The following MAPKAPK2 variants were observed in gnomAD, a reference collection of about 807,000 sequenced individuals.
MAPKAPK2 encodes MAP kinase-activated protein kinase 2.
A neutral mutation model predicts 48.8 loss-of-function variants in MAPKAPK2; 9 were observed. The observed-to-expected ratio is 0.18, with a 90% CI of 0.11 to 0.32. The LOEUF (loss-of-function observed/expected upper bound fraction) is 0.32. MAPKAPK2 is among the 10% of genes least tolerant of loss of function. The pLI is 1.00. For missense variants in MAPKAPK2, 331 were observed against 498.3 expected (o/e 0.66, Z 3.20); for synonymous variants, 202 against 190.6 (o/e 1.06, Z -0.49).
At chr1:206,693,469 A>G (rs1283349681) in intron 1 of MAPKAPK2, among the ~76,000 whole-genome samples, 3 of 152,142 alleles carry the variant, frequency 2.0e-5, no homozygotes, top group Non-Finnish European at 4.4e-5. Flanking sequence ...ATTTGTGTGT[A>G]TGAAAGCTCC....
chr1:206,714,337 C>T (rs1472747813), intron 1 of MAPKAPK2, among the ~76,000 whole-genome samples: 3 of 152,138 alleles, frequency 2.0e-5, no homozygotes, highest in African/African-American at 7.2e-5. Flanking sequence ...AAAAAGGAAA[C>T]GAGACTAGCT....
intron 1 of MAPKAPK2, chr1:206,695,765 T>C (rs994699571): frequency 2.8e-4 from 61 of 214,230 alleles, no homozygotes; most frequent in Non-Finnish European, 4.8e-4. Flanking sequence ...CATCTCTCTC[T>C]CTCTCTCTTT....
chr1:206,705,413 G>T lies in MAPKAPK2; in HGVS notation c.279+19905G>T, dbSNP rs528421045. Among the ~76,000 whole-genome samples, 4 of 152,350 alleles carry T rather than the reference G, an allele frequency of 2.6e-5. No homozygotes were observed. The South Asian group carries it at 8.3e-4, about 32-fold the overall frequency. ...AGCAATGTGCAGCATGGGGTTGCAT[G>T]AGTAGACACTCCTGCTGGAGGGCCA... is the stretch of plus-strand genomic sequence containing the variant. On this transcript the variant is annotated intron_variant, in intron 1 of 9. Coordinates refer to ENST00000367103, the MANE Select transcript of MAPKAPK2 (RefSeq NM_032960.4).
chr1:206,700,588 A>G (rs1286741432), intron 1 of MAPKAPK2, among the ~76,000 whole-genome samples: 1 of 152,220 alleles, frequency 6.6e-6, no homozygotes, highest in Non-Finnish European at 1.5e-5. Context: ...AATCTGGAGT[A>G]CTTGGTCAGG....
intron 1 of MAPKAPK2, among the ~76,000 whole-genome samples, chr1:206,689,778 C>G (rs1447621940): frequency 6.6e-6 from 1 of 152,192 alleles, no homozygotes; most frequent in Non-Finnish European, 1.5e-5. Context: ...TTTGAAAAAT[C>G]AGTTGCTAGC....
chr1:206,717,103 A>T (rs552323501), intron 1 of MAPKAPK2, among the ~76,000 whole-genome samples: 3 of 152,322 alleles, frequency 2.0e-5, no homozygotes, highest in East Asian at 3.9e-4. Flanking sequence ...GTAAACTAAT[A>T]TTACCAGCTC....
intron 1 of MAPKAPK2, among the ~76,000 whole-genome samples, chr1:206,703,635 A>G (rs554383899): frequency 6.6e-6 from 1 of 152,332 alleles, no homozygotes; most frequent in Admixed American, 6.5e-5. Flanking sequence ...GTGATGCAGC[A>G]CACACTTGTA....
chr1:206,691,709 C>G, intron 1 of MAPKAPK2, among the ~76,000 whole-genome samples: 1 of 151,882 alleles, frequency 6.6e-6, no homozygotes, highest in South Asian at 2.1e-4. Context: ...TCCTGAGCAC[C>G]GGCAGGGTGA....
Position 206,722,386 on chromosome 1 carries a change from A to AC in MAPKAPK2, c.280-6323dup, listed in dbSNP as rs1558585257. ...AAAACAAAAACAAAAACAAAAAAAA[A>AC]CAAAGAAACAAAAGAAAACTTTTGA... On this transcript the variant is annotated intron_variant, in intron 1 of 9. Transcript: ENST00000367103. Among the ~76,000 whole-genome samples, 3 of 152,156 alleles carry AC rather than the reference A, an allele frequency of 2.0e-5. No individual in the cohort carries two copies. The East Asian group carries it at 5.8e-4, about 29-fold the overall frequency.
chr1:206,694,283 T>C (rs1387948416), intron 1 of MAPKAPK2, among the ~76,000 whole-genome samples: 1 of 152,116 alleles, frequency 6.6e-6, no homozygotes, highest in South Asian at 2.1e-4. Context: ...AACCAAGACA[T>C]AGGACTTGAG....
chr1:206,701,667 CTACAAAAAA>C (rs1672797931), intron 1 of MAPKAPK2, among the ~76,000 whole-genome samples: 1 of 151,730 alleles, frequency 6.6e-6, no homozygotes, highest in South Asian at 2.1e-4. Context: ...AACACTGTCT[CTACAAAAAA>C]TACAAAAATT....
Position 206,731,058 on chromosome 1 carries a change from T to C in MAPKAPK2, c.768-80T>C. 6.4e-7 allele frequency: 1 copy of C among 1,561,840 alleles called. No homozygotes were observed. The highest frequency in any genetic ancestry group is 8.8e-7 in the Non-Finnish European group (1 of 1,132,992). On this transcript the variant is annotated intron_variant, in intron 6 of 9. Coordinates refer to ENST00000367103, the MANE Select transcript of MAPKAPK2 (RefSeq NM_032960.4). This position sits in a 1 kb window ranked among gnomAD's most constrained non-coding sequence, Gnocchi z 5.9. ...TGTGACCTTTACAAGGAGAAGAGCC[T>C]GTTTCTCATCCTGTTCCTGGTACAG...
At chr1:206,688,346 C>T (rs909958058) in intron 1 of MAPKAPK2, among the ~76,000 whole-genome samples, 2 of 152,214 alleles carry the variant, frequency 1.3e-5, no homozygotes, top group Admixed American at 6.5e-5. Flanking sequence ...GGCTTCTTCC[C>T]ACTTACTTCC....
At chr1:206,712,541 A>G (rs1572498775) in intron 1 of MAPKAPK2, among the ~76,000 whole-genome samples, 1 of 151,986 alleles carries the variant, frequency 6.6e-6, no homozygotes, top group East Asian at 1.9e-4. Flanking sequence ...TCCTACTGTA[A>G]TCTTTTAAAA....
Position 206,732,818 on chromosome 1 carries a change from C to T in MAPKAPK2, c.*100C>T. 1.5e-6 allele frequency: 2 copies of T among 1,355,644 alleles called. No individual in the cohort carries two copies. The highest frequency in any genetic ancestry group is 2.0e-6 in the Non-Finnish European group (2 of 983,136). The allele number at this position is 1,355,644 out of a possible 1,614,324, so 84.0% of individuals were successfully genotyped here. A position where few individuals can be genotyped will look rare whatever the true frequency, so the allele number is the denominator to read the frequency against. Reference sequence around the variant, plus strand: ...AGAACTGTCCACATCTGCCTCCTCTCCTCCTCAGCTGCATGGAGCCTGGAA... The same window carrying T: ...AGAACTGTCCACATCTGCCTCCTCTTCTCCTCAGCTGCATGGAGCCTGGAA... On this transcript the variant is annotated 3_prime_UTR_variant, in exon 10 of 10. Coordinates refer to ENST00000367103, the MANE Select transcript of MAPKAPK2 (RefSeq NM_032960.4). The surrounding 1 kb of genome is among the most constrained non-coding windows in gnomAD (Gnocchi z 4.4).
chr1:206,700,003 CTTTTTTTTTT>C (rs574216957), intron 1 of MAPKAPK2, among the ~76,000 whole-genome samples: 1 of 126,354 alleles, frequency 7.9e-6, no homozygotes, highest in East Asian at 2.3e-4. Context: ...CTTCTTCTTA[CTTTTTTTTTT>C]TTTTTTTTTA....
chr1:206,696,293 C>T (rs1370000371), intron 1 of MAPKAPK2: 20 of 964,450 alleles, frequency 2.1e-5, no homozygotes, highest in South Asian at 5.2e-5. Flanking sequence ...TTCCAGACTC[C>T]GCACAGGAAC....
rs1264478750 is a variant in MAPKAPK2 at position 206,685,151 on chromosome 1, G to A, written c.-79G>A. ...AGCGAACTTCGCAGCCCGTCGGGGG[G>A]CGGCGGGGAGGGGGCCCGGAGCCGG... is the stretch of plus-strand genomic sequence containing the variant. On this transcript the variant is annotated 5_prime_UTR_variant, in exon 1 of 10. Transcript: ENST00000367103. 4 of 237,456 alleles carry A rather than the reference G, an allele frequency of 1.7e-5. No homozygotes were observed. The highest frequency in any genetic ancestry group is 5.7e-5 in the Admixed American group (1 of 17,590). The allele number at this position is 237,456 out of a possible 1,614,324, so 14.7% of individuals were successfully genotyped here.
At position 206,729,464 on chromosome 1, in the gene MAPKAPK2, C is replaced by T; in HGVS notation, c.553C>T (p.Arg185Trp). The change falls in exon 4 of 10, where the codon CGG (arginine) becomes TGG (tryptophan). Residue 185 changes from arginine to tryptophan, a missense_variant. This residue lies in a region of MAPKAPK2 where 111 missense variants were observed against 193.6 expected (regional missense o/e 0.57). Coordinates refer to ENST00000367103, the MANE Select transcript of MAPKAPK2 (RefSeq NM_032960.4). ...TCTGCATTCAATCAACATTGCCCATCGGGATGTCAAGGTGCCAGCTGTTCA... is the reference window on the plus strand; with the variant it reads ...TCTGCATTCAATCAACATTGCCCATTGGGATGTCAAGGTGCCAGCTGTTCA... ...QYLHSINIAH[R>W]DVKPENLLYT... is the part of the protein sequence containing the mutation. 6.2e-7 allele frequency: 1 copy of T among 1,613,978 alleles called. No individual in the cohort carries two copies.
Sources: gnomAD v4.1 joint callset for allele counts (sites outside exome capture counted in the v4.1 genomes callset) on GRCh38, gnomAD v4.1.1 for gene constraint, gnomAD v4.1.1 regional missense constraint, Gnocchi (gnomAD v3.1) non-coding constraint, MANE v1.5 for transcripts, NCBI Gene and HGNC (gene_info 2026-07-23, HGNC 2026-07-21) for gene names.